Variants in HUWE1 observed in about 807,000 individuals in gnomAD.
HUWE1 encodes the protein HECT, UBA and WWE domain containing E3 ubiquitin protein ligase 1.
HUWE1 carries 18 observed loss-of-function variants against 299.4 expected under a neutral mutation model. The ratio of observed to expected loss-of-function variants is 0.06; its 90% CI spans 0.04 to 0.09. The LOEUF (loss-of-function observed/expected upper bound fraction) is 0.09. Among genes scored for constraint, HUWE1 ranks in the 10% least tolerant of loss-of-function variants. The pLI, the probability that HUWE1 is intolerant of heterozygous loss-of-function variation, is 1.00. For missense variants in HUWE1, 1,832 were observed against 3,462.3 expected (o/e 0.53, Z 11.82); for synonymous variants, 1,317 against 1,286.1 (o/e 1.02, Z -0.51).
intron 26 of HUWE1, 76 bp downstream of exon 26, chrX:53,604,513 G>A: frequency 9.1e-7 from 1 of 1,101,891 alleles, no homozygotes. Context: ...TTCAAGCATA[G>A]TAACCCTGCT....
intron 70 of HUWE1, among the ~76,000 whole-genome samples, chrX:53,545,653 G>T (rs1288354829): frequency 8.9e-6 from 1 of 111,894 alleles, no homozygotes; most frequent in Admixed American, 9.5e-5. Flanking sequence ...ATAGATGGTG[G>T]CAGCCAAGAG....
chrX:53,552,971 C>A, intron 61 of HUWE1, 78 bp from the exon 62 acceptor site: 2 of 1,090,238 alleles, frequency 1.8e-6, no homozygotes, highest in Non-Finnish European at 2.5e-6. Flanking sequence ...TTTGATAGGG[C>A]TGCTTCCTTA....
intron 7 of HUWE1, among the ~76,000 whole-genome samples, chrX:53,636,080 CAAG>C: frequency 8.9e-6 from 1 of 112,238 alleles, no homozygotes; most frequent in East Asian, 2.8e-4. Flanking sequence ...CTTAGATGCA[CAAG>C]AGAGAAGTCT....
rs1473704881 is a variant in HUWE1, at chrX:53,554,827, G to A, written c.8300C>T (p.Ser2767Phe). ...ESKETLGTLQSSQQQPTLPTP... is the reference protein window; with the variant it reads ...ESKETLGTLQFSQQQPTLPTP... ...TGGGAGTGTTGGTTGCTGTTGTGAG[G>A]ATTGCAGAGTGCCAAGGGTCTCCTT... Residue 2767 changes from serine (S) to phenylalanine (F), a missense_variant, in exon 61 of 84, where the codon TCC becomes TTC. By Grantham distance (155) the Ser-to-Phe change is radical. Transcript: ENST00000262854. The A allele has an allele frequency of 1.7e-6, 2 of 1,208,818 alleles. No homozygotes were observed. The highest frequency in any genetic ancestry group is 2.2e-6 in the Non-Finnish European group (2 of 894,493).
intron 43 of HUWE1, among the ~76,000 whole-genome samples, chrX:53,578,366 GC>G (rs1247692413): frequency 4.0e-5 from 4 of 100,643 alleles, no homozygotes; most frequent in East Asian, 3.3e-4. Context: ...GGGGGGGTCA[GC>G]CCCCCGCCCG....
chrX:53,538,943 T>C lies in HUWE1; in HGVS notation c.11770A>G (p.Thr3924Ala). Residue 3924 changes from threonine to alanine, a missense_variant, in exon 76 of 84, where the codon ACC becomes GCC. Around this residue, in one of 15 missense-constraint regions of HUWE1, gnomAD observed 129 missense variants for 439.4 expected, o/e 0.29. Coordinates refer to ENST00000262854, the MANE Select transcript of HUWE1 (RefSeq NM_031407.7). ...EPPPLSPAPL[T>A]PATPSSLDPF... ...TCAAGGGAGGAAGGCGTGGCTGGGG[T>C]TAAGGGGGCAGGGGAGAGTGGAGGA... The C allele has an allele frequency of 8.3e-7, 1 of 1,206,180 alleles. No individual in the cohort carries two copies. The highest frequency in any genetic ancestry group is 1.1e-6 in the Non-Finnish European group (1 of 893,522).
In HUWE1 at chrX:53,551,614, G is replaced by C. The variant is rs2061768079; in HGVS notation, c.8882-134C>G. 1.2e-5 allele frequency: 7 copies of C among 565,222 alleles called. 1 individual carries two copies. The South Asian group carries it at 1.5e-4, about 12-fold the overall frequency. The allele number at this position is 565,222 out of a possible 1,213,427, so 46.6% of individuals were successfully genotyped here. A position where few individuals can be genotyped will look rare whatever the true frequency, so the allele number is the denominator to read the frequency against. ...TGCAGTGTTGAGCTCCTGGGCTCGA[G>C]TCTTCCTGCCTCAGCATCTTGAGTA... On this transcript the variant is annotated intron_variant, in intron 63 of 83. Coordinates refer to ENST00000262854, the MANE Select transcript of HUWE1 (RefSeq NM_031407.7).
chrX:53,534,248 C>T (rs1321362802), intron 82 of HUWE1, 51 bp from the exon 83 acceptor site: 2 of 1,057,907 alleles, frequency 1.9e-6, no homozygotes, highest in African/African-American at 1.8e-5. Flanking sequence ...CTCCTAGAAG[C>T]AGGGTGGGGG....
At chrX:53,603,064 G>A (rs2064963964) in intron 27 of HUWE1, among the ~76,000 whole-genome samples, 1 of 111,016 alleles carries the variant, frequency 9.0e-6, no homozygotes, top group Non-Finnish European at 1.9e-5. Flanking sequence ...TGTTGGCCAG[G>A]CTGGTCTCGA....
At chrX:53,631,361 AATC>A in intron 11 of HUWE1, 50 bp downstream of exon 11, 2 of 940,249 alleles carry the variant, frequency 2.1e-6, no homozygotes, top group Non-Finnish European at 3.1e-6. Flanking sequence ...ACATATCATT[AATC>A]TATTTAGATA....
intron 80 of HUWE1, 29 bp from the exon 81 acceptor site, chrX:53,535,530 T>G (rs377274067): frequency 4.8e-5 from 46 of 960,874 alleles, no homozygotes; most frequent in Admixed American, 1.3e-4. Context: ...CAATCATACA[T>G]ATCAGACTTC....
chrX:53,539,530 C>G (rs1556916478), intron 75 of HUWE1, 127 bp downstream of exon 75: 1 of 640,327 alleles, frequency 1.6e-6, no homozygotes, highest in East Asian at 3.3e-5. Context: ...AAACACTTCT[C>G]TTTTGAATTC....
intron 58 of HUWE1, 77 bp from the exon 59 acceptor site, chrX:53,558,886 C>T: frequency 8.4e-7 from 1 of 1,183,745 alleles, no homozygotes; most frequent in Non-Finnish European, 1.1e-6. Context: ...CTTGTAGCCA[C>T]AGAGAACCAG....
At chrX:53,605,880 A>T (rs1389048727) in intron 25 of HUWE1, among the ~76,000 whole-genome samples, 1 of 111,909 alleles carries the variant, frequency 8.9e-6, no homozygotes, top group Non-Finnish European at 1.9e-5. Flanking sequence ...ATATGGTCAA[A>T]TGATTTTTGA....
intron 3 of HUWE1, among the ~76,000 whole-genome samples, chrX:53,669,745 G>A (rs374544663): frequency 1.8e-5 from 2 of 111,801 alleles, no homozygotes; most frequent in Admixed American, 9.5e-5. Context: ...ACTTTGCCAG[G>A]AAGAAAAACA....
In HUWE1 at chrX:53,615,759, C is replaced by T. The variant is rs781853819; in HGVS notation, c.2034G>A (p.Thr678=). ...RHQPTLKTDA[T]TAIIKLLEEI... ...CACTTTCTACCTTGATGATGGCAGT[C>T]GTTGCATCTGTTTTAAGGGTGGGCT... The change falls in exon 22 of 84, where the codon ACG becomes ACA. Residue 678 remains threonine, a synonymous_variant. Transcript: ENST00000262854. The T allele has an allele frequency of 8.3e-7, 1 of 1,206,172 alleles. No homozygotes were observed. The highest frequency in any genetic ancestry group is 1.7e-5 in the African/African-American group (1 of 57,528).
chrX:53,613,317 T>C (rs1557004225), intron 23 of HUWE1, among the ~76,000 whole-genome samples: 4 of 111,545 alleles, frequency 3.6e-5, no homozygotes, highest in Non-Finnish European at 5.7e-5. Flanking sequence ...CAAGAGGACA[T>C]ACCAGTTTCG....
intron 68 of HUWE1, 146 bp from the exon 69 acceptor site, chrX:53,546,971 C>A: frequency 1.4e-6 from 1 of 729,578 alleles, no homozygotes; most frequent in Non-Finnish European, 2.1e-6. Context: ...AAAGGCAAAT[C>A]TAAATGACTT....
intron 70 of HUWE1, 130 bp downstream of exon 70, chrX:53,546,306 G>T: frequency 3.4e-6 from 2 of 592,305 alleles, no homozygotes; most frequent in Non-Finnish European, 5.7e-6. Context: ...GACAGAGGGA[G>T]CATGGAGGCT....
Sources: gnomAD v4.1 joint callset for allele counts (sites outside exome capture counted in the v4.1 genomes callset) on GRCh38, gnomAD v4.1.1 for gene constraint, gnomAD v4.1.1 regional missense constraint, MANE v1.5 for transcripts, NCBI Gene and HGNC (gene_info 2026-07-23, HGNC 2026-07-21) for gene names.